Variants in FAM13C observed in about 807,000 individuals in gnomAD.
FAM13C encodes family with sequence similarity 13 member C.
Under a neutral mutation model 73.2 loss-of-function variants are expected in FAM13C, and 37 were observed. That is an observed-to-expected ratio of 0.51 (90% CI 0.39 to 0.67). The LOEUF (loss-of-function observed/expected upper bound fraction) is 0.67. Ranked by LOEUF, FAM13C falls within the 30% of genes least tolerant of loss-of-function variation. FAM13C has a pLI of 0.00. For missense variants in FAM13C, 589 were observed against 715.6 expected (o/e 0.82, Z 2.02); for synonymous variants, 246 against 260.9 (o/e 0.94, Z 0.55).
rs1183438403 is a variant in FAM13C at position 59,264,146 on chromosome 10, A to C, written c.963T>G (p.Thr321=). The C allele has an allele frequency of 6.4e-6, 10 of 1,567,014 alleles. No homozygotes were observed. Among genetic ancestry groups the C allele is most frequent in the Non-Finnish European group, 8.7e-6 (10 of 1,150,254 alleles). ...TCCATTTCAGGACTTCAGGATTAGA[A>C]GTCTTGTCACCATGTGAAGGCTACC... is the stretch of plus-strand genomic sequence containing the variant. ...KKYRPSHGDK[T]SNPEVLKWMN... The change falls in exon 9 of 14, where the codon ACT becomes ACG. Residue 321 remains threonine (T), a synonymous_variant. Transcript: ENST00000618804.
intron 6 of FAM13C, among the ~76,000 whole-genome samples, chr10:59,271,990 A>G (rs1843769584): frequency 6.6e-6 from 1 of 152,176 alleles, no homozygotes; most frequent in Non-Finnish European, 1.5e-5. Flanking sequence ...AAATGGAAAT[A>G]CTTGGGATCC....
intron 6 of FAM13C, among the ~76,000 whole-genome samples, chr10:59,279,854 A>C (rs913633597): frequency 2.0e-5 from 3 of 152,186 alleles, no homozygotes; most frequent in African/African-American, 7.2e-5. Context: ...GCTTATTAAC[A>C]ACAGAAATTT....
At chr10:59,261,556 C>A (rs780420780) in intron 10 of FAM13C, among the ~76,000 whole-genome samples, 5 of 152,062 alleles carry the variant, frequency 3.3e-5, no homozygotes, top group Non-Finnish European at 7.4e-5. Context: ...TTATTCAATA[C>A]CTACTATGTG....
intron 5 of FAM13C, among the ~76,000 whole-genome samples, chr10:59,302,066 A>G (rs1163788784): frequency 1.3e-5 from 2 of 152,162 alleles, no homozygotes; most frequent in African/African-American, 4.8e-5. Context: ...TCTGATCATC[A>G]GGTCTTTTCA....
intron 4 of FAM13C, among the ~76,000 whole-genome samples, chr10:59,306,872 C>T (rs1266183948): frequency 2.6e-5 from 4 of 152,092 alleles, no homozygotes; most frequent in African/African-American, 9.7e-5. Context: ...AACTCCATCT[C>T]TAAAACAAAC....
intron 6 of FAM13C, among the ~76,000 whole-genome samples, chr10:59,280,819 C>G (rs1844842606): frequency 6.6e-6 from 1 of 152,138 alleles, no homozygotes; most frequent in Non-Finnish European, 1.5e-5. Flanking sequence ...ATCTTGGCAA[C>G]CCATAAACCC....
intron 5 of FAM13C, among the ~76,000 whole-genome samples, chr10:59,291,397 T>A (rs1323284155): frequency 6.6e-6 from 1 of 152,198 alleles, no homozygotes; most frequent in African/African-American, 2.4e-5. Context: ...GCGTCACTTG[T>A]GTCTGAGCAT....
intron 4 of FAM13C, among the ~76,000 whole-genome samples, chr10:59,320,727 G>A (rs899677171): frequency 1.9e-4 from 29 of 152,184 alleles, no homozygotes; most frequent in African/African-American, 6.5e-4. Flanking sequence ...ACAGCTCGGC[G>A]TTTGCCTTAT....
chr10:59,304,869 G>A (rs12269439), intron 4 of FAM13C, among the ~76,000 whole-genome samples: 34,163 of 128,688 alleles, frequency 0.27, 5,561 homozygotes, highest in African/African-American at 0.39. Flanking sequence ...GGGAAAGGGA[G>A]GGCATTTGTT....
chr10:59,246,801 T>C lies in FAM13C; in HGVS notation c.*813A>G, dbSNP rs540992185. On this transcript the variant is annotated 3_prime_UTR_variant, in exon 14 of 14. Coordinates refer to ENST00000618804, the MANE Select transcript of FAM13C (RefSeq NM_198215.4). Reference sequence around the variant, plus strand: ...ATGAAAAAATAGTTATATCATCTTATAGTAAACCAAAAGATTAGCAATAAT... The same window carrying C: ...ATGAAAAAATAGTTATATCATCTTACAGTAAACCAAAAGATTAGCAATAAT... The C allele has an allele frequency of 2.3e-5, 9 of 391,470 alleles. No homozygotes were observed. Among genetic ancestry groups the C allele is most frequent in the Non-Finnish European group, 2.3e-5 (5 of 221,676 alleles). 24.2% of individuals were successfully genotyped at this position (391,470 alleles called of 1,614,324 possible). A position where few individuals can be genotyped will look rare whatever the true frequency, so the allele number is the denominator to read the frequency against.
intron 7 of FAM13C, 127 bp downstream of exon 7, chr10:59,269,772 G>T: frequency 1.8e-6 from 2 of 1,112,094 alleles, no homozygotes; most frequent in Non-Finnish European, 2.6e-6. Context: ...GTCATTTATT[G>T]TTCCAGTCTC....
At chr10:59,317,847 A>C (rs1035223979) in intron 4 of FAM13C, among the ~76,000 whole-genome samples, 1 of 151,678 alleles carries the variant, frequency 6.6e-6, no homozygotes, top group Non-Finnish European at 1.5e-5. Context: ...GCACCCATTA[A>C]CTCGTCATTT....
intron 4 of FAM13C, among the ~76,000 whole-genome samples, chr10:59,312,238 G>C (rs544717601): frequency 1.3e-5 from 2 of 152,260 alleles, no homozygotes. Context: ...AACTTTTAAA[G>C]TATCAATCAG....
intron 13 of FAM13C, among the ~76,000 whole-genome samples, chr10:59,249,446 A>T (rs1270789652): frequency 1.3e-5 from 2 of 151,234 alleles, no homozygotes; most frequent in African/African-American, 4.9e-5. Flanking sequence ...CTTTGACAAG[A>T]ATGAAAAGTT....
intron 10 of FAM13C, among the ~76,000 whole-genome samples, chr10:59,256,180 G>A (rs1022948173): frequency 5.9e-5 from 9 of 151,880 alleles, no homozygotes; most frequent in African/African-American, 1.7e-4. Flanking sequence ...CTATTCCATG[G>A]GATTTTAATA....
chr10:59,286,268 A>G (rs1165154799), intron 5 of FAM13C, among the ~76,000 whole-genome samples: 13 of 152,216 alleles, frequency 8.5e-5, no homozygotes, highest in Admixed American at 7.2e-4. Flanking sequence ...AAATCCCAGC[A>G]CTTTGGGAGG....
At chr10:59,352,232 C>A (rs780045232) in intron 3 of FAM13C, 38 bp downstream of exon 3, 2 of 1,609,424 alleles carry the variant, frequency 1.2e-6, no homozygotes, top group South Asian at 2.2e-5. Flanking sequence ...CTAAGAATCA[C>A]CCGTCTTGGC....
chr10:59,276,008 A>C (rs184519453), intron 6 of FAM13C, among the ~76,000 whole-genome samples: 1 of 152,184 alleles, frequency 6.6e-6, no homozygotes, highest in Admixed American at 6.5e-5. Context: ...TTCATAGATT[A>C]TGAAGATGGT....
intron 5 of FAM13C, among the ~76,000 whole-genome samples, chr10:59,298,546 C>T (rs1287311962): frequency 6.6e-6 from 1 of 152,008 alleles, no homozygotes; most frequent in Non-Finnish European, 1.5e-5. Context: ...AAAAGAAGGC[C>T]CATGGTGACC....
Sources: gnomAD v4.1 joint callset for allele counts (sites outside exome capture counted in the v4.1 genomes callset) on GRCh38, gnomAD v4.1.1 for gene constraint, MANE v1.5 for transcripts, NCBI Gene and HGNC (gene_info 2026-07-23, HGNC 2026-07-21) for gene names.